Variants in PDZD2 observed in about 807,000 individuals in gnomAD.
The protein encoded by PDZD2 is PDZ domain containing 2, also known as PDZ domain-containing protein 2.
A neutral mutation model predicts 220.7 loss-of-function variants in PDZD2; 90 were observed. The observed-to-expected ratio is 0.41, with a 90% CI of 0.34 to 0.49. PDZD2 has a LOEUF of 0.49. PDZD2 is among the 20% of genes least tolerant of loss of function. The pLI is 0.28. For missense variants in PDZD2, 3,174 were observed against 3,608.5 expected (o/e 0.88, Z 3.08); for synonymous variants, 1,375 against 1,450.5 (o/e 0.95, Z 1.18).
At chr5:31,675,748 G>A (rs1746384168) in intron 1 of PDZD2, among the ~76,000 whole-genome samples, 1 of 152,108 alleles carries the variant, frequency 6.6e-6, no homozygotes, top group Non-Finnish European at 1.5e-5. Context: ...CCAGACTGGA[G>A]TGCAATGGAG....
Position 32,098,519 on chromosome 5 carries a change from C to T in PDZD2, c.8103C>T (p.Leu2701=), listed in dbSNP as rs540529431. The T allele has an allele frequency of 3.7e-6, 6 of 1,614,128 alleles. No individual in the cohort carries two copies. The Admixed American group carries it at 5.0e-5, about 13-fold the overall frequency. ...LHQAQLHKDA[L]VVIKKGMDQP... is the part of the protein sequence containing the mutation. Reference sequence around the variant, plus strand: ...AGGCACAGCTGCACAAAGATGCCCTCGTGGTCATCAAGAAAGGGATGGATC... The same window carrying T: ...AGGCACAGCTGCACAAAGATGCCCTTGTGGTCATCAAGAAAGGGATGGATC... Residue 2701 remains leucine, a synonymous_variant, in exon 23 of 25, where the codon CTC becomes CTT. Transcript: ENST00000438447. The surrounding 1 kb of genome is among the most constrained non-coding windows in gnomAD (Gnocchi z 4.1).
chr5:32,091,239 T>G, intron 20 of PDZD2, 64 bp downstream of exon 20: 1 of 1,328,086 alleles, frequency 7.5e-7, no homozygotes, highest in Non-Finnish European at 1.0e-6. Context: ...AGTTTTAGAT[T>G]TATAGAAAAG....
intron 1 of PDZD2, among the ~76,000 whole-genome samples, chr5:31,781,027 G>A (rs1005396269): frequency 6.6e-6 from 1 of 152,138 alleles, no homozygotes; most frequent in African/African-American, 2.4e-5. Context: ...TGCTGCAAGG[G>A]GAGGATGTCA....
chr5:31,672,320 A>T (rs1746246223), intron 1 of PDZD2, among the ~76,000 whole-genome samples: 1 of 152,084 alleles, frequency 6.6e-6, no homozygotes, highest in African/African-American at 2.4e-5. Flanking sequence ...GCTACAGCCA[A>T]TTGGTGGGTC....
chr5:31,983,603 C>T lies in PDZD2; in HGVS notation c.925C>T (p.Arg309Cys), dbSNP rs757345343. The change falls in exon 3 of 25, where the codon CGC becomes TGC. Residue 309 changes from arginine (R) to cysteine (C), a missense_variant. Transcript: ENST00000438447. Reference protein sequence around the residue: ...APLTTSNDKRRFSKGGKTDFQ... With the variant: ...APLTTSNDKRCFSKGGKTDFQ... ...TCTGACCACAAGCAATGACAAACGC[C>T]GCTTCTCAAAAGGTGGGAAGACGGA... 1.4e-5 allele frequency: 22 copies of T among 1,614,140 alleles called. No individual in the cohort carries two copies. The highest frequency in any genetic ancestry group is 3.3e-5 in the Admixed American group (2 of 60,018).
chr5:31,792,671 G>A (rs1312151577), intron 1 of PDZD2, among the ~76,000 whole-genome samples: 1 of 151,942 alleles, frequency 6.6e-6, no homozygotes, highest in African/African-American at 2.4e-5. Flanking sequence ...GCCCACCTCA[G>A]CTTCCCAAAG....
intron 6 of PDZD2, among the ~76,000 whole-genome samples, chr5:32,018,877 T>C (rs1753981291): frequency 6.6e-6 from 1 of 152,196 alleles, no homozygotes; most frequent in Non-Finnish European, 1.5e-5. Flanking sequence ...TCTGAGAAAA[T>C]AAGATTTACA....
chr5:31,689,154 CA>C (rs918879459), intron 1 of PDZD2, among the ~76,000 whole-genome samples: 2 of 151,628 alleles, frequency 1.3e-5, no homozygotes, highest in African/African-American at 4.8e-5. Flanking sequence ...CTACAACCTC[CA>C]CCTCCTGGGT....
intron 3 of PDZD2, among the ~76,000 whole-genome samples, chr5:31,990,654 GT>G (rs1215088652): frequency 2.9e-4 from 44 of 152,132 alleles, no homozygotes; most frequent in Admixed American, 6.5e-5. Flanking sequence ...TTCTATATTT[GT>G]TCATTCAGTG....
At chr5:31,969,957 G>A (rs1348010640) in intron 2 of PDZD2, among the ~76,000 whole-genome samples, 1 of 151,974 alleles carries the variant, frequency 6.6e-6, no homozygotes, top group Non-Finnish European at 1.5e-5. Flanking sequence ...GGAGTGCAGT[G>A]GTGTGATCTC....
At chr5:31,824,366 G>A (rs1376716177) in intron 2 of PDZD2, among the ~76,000 whole-genome samples, 2 of 140,774 alleles carry the variant, frequency 1.4e-5, no homozygotes, top group African/African-American at 5.4e-5. Context: ...ATGGCAACAT[G>A]CAATTTAGTA....
At chr5:31,838,626 A>G (rs541578992) in intron 2 of PDZD2, among the ~76,000 whole-genome samples, 1 of 152,358 alleles carries the variant, frequency 6.6e-6, no homozygotes, top group African/African-American at 2.4e-5. Flanking sequence ...AACAAAGGCT[A>G]GGCAAACAAG....
chr5:31,727,557 G>A (rs145749719), intron 1 of PDZD2, among the ~76,000 whole-genome samples: 2,394 of 151,714 alleles, frequency 0.016, 63 homozygotes, highest in African/African-American at 0.055. Context: ...ACAATTAGCC[G>A]GACATGGTGG....
chr5:31,932,476 G>A (rs1561117381), intron 2 of PDZD2, among the ~76,000 whole-genome samples: 1 of 152,150 alleles, frequency 6.6e-6, no homozygotes, highest in Non-Finnish European at 1.5e-5. Context: ...TGGAACCCAG[G>A]AGGCGGAGGC....
At chr5:31,800,641 A>G (rs2150231078) in intron 2 of PDZD2, among the ~76,000 whole-genome samples, 1 of 152,372 alleles carries the variant, frequency 6.6e-6, no homozygotes, top group Non-Finnish European at 1.5e-5. Context: ...CCCAGGAGCC[A>G]GTCCTTTCTT....
intron 1 of PDZD2, among the ~76,000 whole-genome samples, chr5:31,760,166 C>T (rs1056012975): frequency 6.6e-6 from 1 of 152,064 alleles, no homozygotes; most frequent in Non-Finnish European, 1.5e-5. Context: ...GTTGATGGCT[C>T]TTATGTTGAA....
intron 1 of PDZD2, among the ~76,000 whole-genome samples, chr5:31,701,253 G>C (rs1345859524): frequency 2.0e-5 from 3 of 152,168 alleles, no homozygotes; most frequent in Non-Finnish European, 4.4e-5. Flanking sequence ...CTGGGGTGCA[G>C]TAGCGCAGTC....
chr5:31,840,160 C>G (rs1757175839), intron 2 of PDZD2, among the ~76,000 whole-genome samples: 1 of 151,892 alleles, frequency 6.6e-6, no homozygotes, highest in Admixed American at 6.6e-5. Context: ...CCCAGGGAAG[C>G]AGGCAGCTTG....
At chr5:31,945,908 C>A (rs994514355) in intron 2 of PDZD2, among the ~76,000 whole-genome samples, 8 of 152,206 alleles carry the variant, frequency 5.3e-5, no homozygotes, top group Admixed American at 2.6e-4. Flanking sequence ...CTCTCTGTAG[C>A]CCCAAGAGTG....
Sources: gnomAD v4.1 joint callset for allele counts (sites outside exome capture counted in the v4.1 genomes callset) on GRCh38, gnomAD v4.1.1 for gene constraint, Gnocchi (gnomAD v3.1) non-coding constraint, MANE v1.5 for transcripts, NCBI Gene and HGNC (gene_info 2026-07-23, HGNC 2026-07-21) for gene names.